The following PHYHIP variants were observed in gnomAD, a reference collection of about 807,000 sequenced individuals.
PHYHIP encodes phytanoyl-CoA 2-hydroxylase interacting protein.
Under a neutral mutation model 26.1 loss-of-function variants are expected in PHYHIP, and 7 were observed. The observed-to-expected ratio is 0.27, with a 90% CI of 0.15 to 0.50. The LOEUF is 0.50. PHYHIP is among the 20% of genes least tolerant of loss of function. The pLI is 0.98. For synonymous variants in PHYHIP, 206 were observed against 183.4 expected, an observed-to-expected ratio of 1.12 and a Z score of -1.00; for missense variants, 232 against 454.7, an observed-to-expected ratio of 0.51 and a Z score of 4.45.
chr8:22,231,302 C>T (rs182032766), intron 1 of PHYHIP, among the ~76,000 whole-genome samples: 98 of 152,346 alleles, frequency 6.4e-4, no homozygotes, highest in Non-Finnish European at 1.1e-3. Context: ...CACGCACACC[C>T]ACAGGCTACT....
At chr8:22,225,132 A>G (rs1412339046) in intron 3 of PHYHIP, among the ~76,000 whole-genome samples, 1 of 152,142 alleles carries the variant, frequency 6.6e-6, no homozygotes, top group Admixed American at 6.5e-5. Flanking sequence ...GGGGTAAACC[A>G]AGAAGCTTTC....
In PHYHIP at chr8:22,228,209, T is replaced by C. The variant is rs772780801; in HGVS notation, c.149A>G (p.Asn50Ser). Reference protein sequence around the residue: ...DLNKKENKNSNKFKHRDVPTK... With the variant: ...DLNKKENKNSSKFKHRDVPTK... ...TCTACTCACCCGGTGCTTGAACTTG[T>C]TGGAATTCTTATTCTCCTTCTTGTT... The change falls in exon 2 of 5, where the codon AAC (asparagine) becomes AGC (serine). Residue 50 changes from asparagine to serine, a missense_variant. Coordinates refer to ENST00000454243, the MANE Select transcript of PHYHIP (RefSeq NM_014759.5). The C allele has an allele frequency of 1.2e-6, 2 of 1,614,088 alleles. No individual in the cohort carries two copies. Among genetic ancestry groups the C allele is most frequent in the Non-Finnish European group, 1.7e-6 (2 of 1,179,978 alleles).
intron 4 of PHYHIP, 119 bp from the exon 5 acceptor site, chr8:22,222,006 C>A: frequency 1.3e-6 from 1 of 785,338 alleles, no homozygotes; most frequent in Non-Finnish European, 2.0e-6. Flanking sequence ...CCCAGCCCTC[C>A]CCCAGCCGCC....
chr8:22,228,593 C>A, intron 1 of PHYHIP: 1 of 476,986 alleles, frequency 2.1e-6, no homozygotes, highest in East Asian at 3.5e-5. Flanking sequence ...GCTCTTTGCT[C>A]TCCTCGGAGG....
At chr8:22,228,131 C>CT (rs1371161987) in intron 2 of PHYHIP, 62 bp downstream of exon 2, 2 of 1,399,488 alleles carry the variant, frequency 1.4e-6, no homozygotes, top group Admixed American at 3.4e-5. Context: ...CAGGTGTTCC[C>CT]TTATCCGGCC....
rs372908258 is a variant in PHYHIP at position 22,221,395 on chromosome 8, C to T, written c.951G>A (p.Lys317=). 6 of 1,607,654 alleles carry T rather than the reference C, an allele frequency of 3.7e-6. No individual in the cohort carries two copies. The South Asian group carries it at 5.5e-5, about 15-fold the overall frequency. ...LMSLSTADAK[K]DPSCKTCNIS... ...TGTTGCAGGTCTTGCAGCTGGGGTC[C>T]TTCTTGGCATCGGCAGTAGACAGAC... Residue 317 remains lysine (K), a synonymous_variant, in exon 5 of 5, where the codon AAG becomes AAA. Transcript: ENST00000454243. The surrounding 1 kb of genome is among the most constrained non-coding windows in gnomAD (Gnocchi z 7.9).
Position 22,228,213 on chromosome 8 carries a change from A to G in PHYHIP, c.145T>C (p.Ser49Pro). 6.2e-7 allele frequency: 1 copy of G among 1,614,096 alleles called. No individual in the cohort carries two copies. The highest frequency in any genetic ancestry group is 1.1e-5 in the South Asian group (1 of 91,078). The change falls in exon 2 of 5, where the codon TCC becomes CCC. Residue 49 changes from serine (S) to proline (P), a missense_variant. Ser to Pro is a moderately conservative substitution (Grantham distance 74). Transcript: ENST00000454243. ...IDLNKKENKN[S>P]NKFKHRDVPT... ...CTCACCCGGTGCTTGAACTTGTTGG[A>G]ATTCTTATTCTCCTTCTTGTTAAGG...
chr8:22,229,053 C>T (rs1384575228), intron 1 of PHYHIP: 1 of 152,234 alleles, frequency 6.6e-6, no homozygotes. Context: ...TCTCTTGACT[C>T]CTTTCAATCA....
intron 2 of PHYHIP, chr8:22,227,752 C>T (rs2131930293): frequency 2.2e-6 from 1 of 457,674 alleles, no homozygotes; most frequent in East Asian, 6.9e-5. Context: ...AGGGCTCCGC[C>T]CCGACCGAGG....
chr8:22,228,440 A>G, intron 1 of PHYHIP, 54 bp from the exon 2 acceptor site: 2 of 1,027,242 alleles, frequency 1.9e-6, no homozygotes, highest in Non-Finnish European at 1.5e-6. Context: ...AGCTTTCTGG[A>G]ATGTCCTCCT....
At chr8:22,227,405 G>A (rs377268345) in intron 2 of PHYHIP, among the ~76,000 whole-genome samples, 3 of 152,332 alleles carry the variant, frequency 2.0e-5, no homozygotes, top group East Asian at 1.9e-4. Flanking sequence ...TTATTCTTTG[G>A]GGGGGAGGGT....
chr8:22,230,719 C>A (rs76141990), intron 1 of PHYHIP, among the ~76,000 whole-genome samples: 1 of 152,182 alleles, frequency 6.6e-6, no homozygotes, highest in Non-Finnish European at 1.5e-5. Flanking sequence ...TCCTCACTCC[C>A]ACACACCCAT....
intron 1 of PHYHIP, among the ~76,000 whole-genome samples, chr8:22,231,024 C>A (rs1439741461): frequency 6.6e-6 from 1 of 152,190 alleles, no homozygotes; most frequent in Non-Finnish European, 1.5e-5. Context: ...TATTCTCTCT[C>A]GAATCATCTC....
At chr8:22,227,091 A>G (rs1397658218) in intron 2 of PHYHIP, 66 bp from the exon 3 acceptor site, 2 of 1,415,548 alleles carry the variant, frequency 1.4e-6, no homozygotes, top group Non-Finnish European at 1.9e-6. Context: ...TCTGGGCATC[A>G]CCCCAGAATC....
Position 22,221,324 on chromosome 8 carries a change from T to C in PHYHIP, c.*29A>G. 2.6e-6 allele frequency: 4 copies of C among 1,529,308 alleles called. No individual in the cohort carries two copies. The highest frequency in any genetic ancestry group is 3.5e-6 in the Non-Finnish European group (4 of 1,137,440). 94.7% of individuals were successfully genotyped at this position (1,529,308 alleles called of 1,614,324 possible). On this transcript the variant is annotated 3_prime_UTR_variant, in exon 5 of 5. Transcript: ENST00000454243. This position sits in a 1 kb window ranked among gnomAD's most constrained non-coding sequence, Gnocchi z 7.9. ...CCCACCTCCACCTTCCGCTCATCTCTCCCTCGCCCCCCAGCTCCCCAGGAG... is the reference window on the plus strand; with the variant it reads ...CCCACCTCCACCTTCCGCTCATCTCCCCCTCGCCCCCCAGCTCCCCAGGAG...
Position 22,221,977 on chromosome 8 carries a change from G to C in PHYHIP, c.459-90C>G. 8.5e-7 allele frequency: 1 copy of C among 1,172,472 alleles called. No homozygotes were observed. Among genetic ancestry groups the C allele is most frequent in the African/African-American group, 1.5e-5 (1 of 64,790 alleles). The allele number at this position is 1,172,472 out of a possible 1,614,324, so 72.6% of individuals were successfully genotyped here. A position where few individuals can be genotyped will look rare whatever the true frequency, so the allele number is the denominator to read the frequency against. On this transcript the variant is annotated intron_variant, in intron 4 of 4. Transcript: ENST00000454243. The surrounding 1 kb of genome is among the most constrained non-coding windows in gnomAD (Gnocchi z 7.9). ...TTGGCTGCTGCGTGTGGTCGAGGAGGGAGGAAGCCAGCCCAGCTCCCAGCC... is the reference window on the plus strand; with the variant it reads ...TTGGCTGCTGCGTGTGGTCGAGGAGCGAGGAAGCCAGCCCAGCTCCCAGCC...
At chr8:22,229,937 G>C (rs1455085927) in intron 1 of PHYHIP, among the ~76,000 whole-genome samples, 1 of 152,160 alleles carries the variant, frequency 6.6e-6, no homozygotes, top group Non-Finnish European at 1.5e-5. Flanking sequence ...ACCTGCTCCA[G>C]GTGTCACTCA....
In PHYHIP at chr8:22,221,861, G is replaced by C; in HGVS notation, c.485C>G (p.Pro162Arg). 1 of 1,549,172 alleles carries C rather than the reference G, an allele frequency of 6.5e-7. No homozygotes were observed. Among genetic ancestry groups the C allele is most frequent in the Non-Finnish European group, 8.7e-7 (1 of 1,145,114 alleles). The change falls in exon 5 of 5, where the codon CCT (proline) becomes CGT (arginine). Residue 162 changes from proline (P) to arginine (R), a missense_variant. Transcript: ENST00000454243. The surrounding 1 kb of genome is among the most constrained non-coding windows in gnomAD (Gnocchi z 7.9). ...ARTHCGNMLQPYLKDNSGSHG... is the reference protein window; with the variant it reads ...ARTHCGNMLQRYLKDNSGSHG... ...GCTGCCACTGTTGTCCTTCAGGTAA[G>C]GCTGCAGCATGTTCCCGCAGTGGGT... is the stretch of plus-strand genomic sequence containing the variant.
Position 22,221,825 on chromosome 8 carries a change from G to T in PHYHIP, c.521C>A (p.Pro174His). Residue 174 changes from proline to histidine, a missense_variant, in exon 5 of 5, where the codon CCC becomes CAC. Transcript: ENST00000454243. This position sits in a 1 kb window ranked among gnomAD's most constrained non-coding sequence, Gnocchi z 7.9. ...GACCCCGTGGAGCATACCGCTGGTG[G>T]GGGAGCCGTGGCTGCCACTGTTGTC... The part of the protein sequence containing the change: ...LKDNSGSHGS[P>H]TSGMLHGVFF... 1 of 1,592,304 alleles carries T rather than the reference G, an allele frequency of 6.3e-7. No individual in the cohort carries two copies. Among genetic ancestry groups the T allele is most frequent in the African/African-American group, 1.3e-5 (1 of 74,716 alleles).
Sources: allele counts gnomAD v4.1 joint callset (sites outside exome capture counted in the v4.1 genomes callset), GRCh38; gene constraint gnomAD v4.1.1; non-coding constraint Gnocchi (gnomAD v3.1); transcripts MANE v1.5; gene names NCBI Gene and HGNC (gene_info 2026-07-23, HGNC 2026-07-21).